UNC119: variants seen among roughly 807,000 people sequenced by gnomAD.
The protein encoded by UNC119 is protein unc-119 homolog A.
In UNC119, 15 loss-of-function variants were observed where a neutral mutation model predicts 22.6. The observed-to-expected ratio is 0.66, with a 90% CI of 0.44 to 1.02. The LOEUF (loss-of-function observed/expected upper bound fraction) is 1.02. UNC119 is among the 50% of genes least tolerant of loss of function. UNC119 has a pLI of 0.00. For synonymous variants in UNC119, 138 were observed against 139.4 expected, an observed-to-expected ratio of 0.99 and a Z score of 0.07; for missense variants, 322 against 336.0, an observed-to-expected ratio of 0.96 and a Z score of 0.33.
intron 1 of UNC119, chr17:28,549,409 A>G (rs2151508379): frequency 6.6e-6 from 1 of 152,368 alleles, no homozygotes; most frequent in Middle Eastern, 3.4e-3. Flanking sequence ...CTCAGTAAGA[A>G]GCTTACACCA....
intron 1 of UNC119, 113 bp downstream of exon 1, chr17:28,552,225 T>C (rs1343770119): frequency 1.0e-5 from 7 of 690,870 alleles, no homozygotes; most frequent in Non-Finnish European, 1.1e-5. Context: ...GGGGACTCGG[T>C]GGGGGAGGGG....
Position 28,547,039 on chromosome 17 carries a change from C to A in UNC119, c.*258G>T, listed in dbSNP as rs1379936177. On this transcript the variant is annotated 3_prime_UTR_variant, in exon 5 of 5. Transcript: ENST00000335765. Reference sequence around the variant, plus strand: ...GGGCCCAGCTAAGTTGTCCGGAAGTCCTGACTGCTCCTCTCACAGGCCTTC... The same window carrying A: ...GGGCCCAGCTAAGTTGTCCGGAAGTACTGACTGCTCCTCTCACAGGCCTTC... 8.5e-6 allele frequency: 4 copies of A among 471,430 alleles called. No homozygotes were observed. The highest frequency in any genetic ancestry group is 5.9e-5 in the African/African-American group (3 of 50,806). The allele number at this position is 471,430 out of a possible 1,614,324, so 29.2% of individuals were successfully genotyped here.
In UNC119 at chr17:28,547,651, A is replaced by C. The variant is rs1333071463; in HGVS notation, c.610+26T>G. The stretch of plus-strand genomic sequence containing the variant: ...AGTCTCTAGACGCCCCCACTTCCCC[A>C]CTCCCAGAAGACCCTGCCCGCGCAC... On this transcript the variant is annotated intron_variant, in intron 4 of 4. Coordinates refer to ENST00000335765, the MANE Select transcript of UNC119 (RefSeq NM_005148.4). 1.9e-6 allele frequency: 3 copies of C among 1,613,818 alleles called. No individual in the cohort carries two copies. In the Admixed American group the frequency reaches 5.0e-5, roughly 27 times the overall value.
chr17:28,547,988 C>T lies in UNC119; in HGVS notation c.437+11G>A. 1 of 1,613,828 alleles carries T rather than the reference C, an allele frequency of 6.2e-7. No homozygotes were observed. The highest frequency in any genetic ancestry group is 1.1e-5 in the South Asian group (1 of 91,072). The stretch of plus-strand genomic sequence containing the variant: ...CTCACCCCCACCACCACCCATAGCC[C>T]AGCGACTCACGTGGCTCCCACCTGC... On this transcript the variant is annotated intron_variant, in intron 3 of 4. Transcript: ENST00000335765.
At chr17:28,552,058 C>T (rs899764271) in intron 1 of UNC119, 1 of 641,592 alleles carries the variant, frequency 1.6e-6, no homozygotes, top group African/African-American at 1.8e-5. Context: ...GCTGCTGCCG[C>T]ACGTACCTCC....
chr17:28,548,289 C>T (rs921669036), intron 2 of UNC119, 188 bp from the exon 3 acceptor site: 8 of 638,422 alleles, frequency 1.3e-5, no homozygotes, highest in Non-Finnish European at 2.2e-5. Flanking sequence ...TGTTCCCAAT[C>T]GCCACTGTGC....
chr17:28,547,697 G>C lies in UNC119; in HGVS notation c.590C>G (p.Pro197Arg), dbSNP rs1292222524. ...KNTCEHIYDF[P>R]PLSEELISEM... ...CGCACTCAGCTCCTCGGAGAGAGGGGGGAAGTCGTAAATGTGCTCGCAGGT... is the reference window on the plus strand; with the variant it reads ...CGCACTCAGCTCCTCGGAGAGAGGGCGGAAGTCGTAAATGTGCTCGCAGGT... Residue 197 changes from proline to arginine, a missense_variant, in exon 4 of 5, where the codon CCC becomes CGC. Pro to Arg is a moderately radical substitution (Grantham distance 103). Coordinates refer to ENST00000335765, the MANE Select transcript of UNC119 (RefSeq NM_005148.4). The C allele has an allele frequency of 2.1e-5, 34 of 1,614,090 alleles. No individual in the cohort carries two copies. The highest frequency in any genetic ancestry group is 2.9e-5 in the Non-Finnish European group (34 of 1,180,034).
intron 2 of UNC119, 142 bp from the exon 3 acceptor site, chr17:28,548,243 G>A: frequency 1.2e-6 from 1 of 815,534 alleles, no homozygotes; most frequent in East Asian, 2.7e-5. Context: ...TCAGACCATT[G>A]GCCAAATAGT....
rs144347184 is a variant in UNC119, at chr17:28,552,123, GAGA to G, written c.220+212_220+214del. ...AAAGGAAGGAATAAATCTCGAAAGG[GAGA>G]AGAAGGAGGCACAGAGAGAGATCAA... On this transcript the variant is annotated intron_variant, in intron 1 of 4. Transcript: ENST00000335765. 475 of 711,544 alleles carry G rather than the reference GAGA, an allele frequency of 6.7e-4. 3 individuals carry two copies. In the East Asian group the frequency reaches 9.8e-3, roughly 15 times the overall value. The allele number at this position is 711,544 out of a possible 1,614,324, so 44.1% of individuals were successfully genotyped here.
intron 1 of UNC119, chr17:28,549,514 C>T (rs2070248337): frequency 6.6e-6 from 1 of 152,398 alleles, no homozygotes; most frequent in Non-Finnish European, 1.5e-5. Flanking sequence ...TTGCTCTCAT[C>T]CTTTGTTGAT....
chr17:28,549,679 C>A (rs2070250077), intron 1 of UNC119: 1 of 152,986 alleles, frequency 6.5e-6, no homozygotes, highest in African/African-American at 2.4e-5. Context: ...GCAGGTGCAG[C>A]AGTGGGTGTG....
At position 28,548,704 on chromosome 17, in the gene UNC119, G is replaced by A. The variant is rs1274135893; in HGVS notation, c.222C>T (p.Asp74=). 2 of 1,613,480 alleles carry A rather than the reference G, an allele frequency of 1.2e-6. No individual in the cohort carries two copies. The highest frequency in any genetic ancestry group is 1.7e-6 in the Non-Finnish European group (2 of 1,179,488). Reference sequence around the variant, plus strand: ...TATTCTCCTCAGGGGAGCAGAGGTAGTCTAGGGGAAACAGGCAGCTGAGCA... The same window carrying A: ...TATTCTCCTCAGGGGAGCAGAGGTAATCTAGGGGAAACAGGCAGCTGAGCA... The part of the protein sequence containing the change: ...DVLGLQRITG[D]YLCSPEENIY... Residue 74 remains aspartate (D), a splice_region_variant and synonymous_variant, in exon 2 of 5, where the codon GAC becomes GAT. Transcript: ENST00000335765.
chr17:28,548,537 C>A, intron 2 of UNC119, 55 bp downstream of exon 2: 2 of 1,466,234 alleles, frequency 1.4e-6, no homozygotes, highest in Non-Finnish European at 1.9e-6. Context: ...CCCTGGGCAG[C>A]CCACTCCGCA....
intron 2 of UNC119, among the ~76,000 whole-genome samples, 161 bp downstream of exon 2, chr17:28,548,431 A>C (rs2070235387): frequency 6.6e-6 from 1 of 152,102 alleles, no homozygotes; most frequent in African/African-American, 2.4e-5. Flanking sequence ...TCAGAAACAT[A>C]TGGGAAGGAA....
chr17:28,548,765 CTT>C, intron 1 of UNC119, 60 bp from the exon 2 acceptor site: 3 of 1,370,648 alleles, frequency 2.2e-6, no homozygotes, highest in Non-Finnish European at 3.1e-6. Context: ...GCCAGGTCAG[CTT>C]GTGTGGGACC....
In UNC119 at chr17:28,547,312, G is replaced by A. The variant is rs1323110412; in HGVS notation, c.708C>T (p.Tyr236=). ...AGCCGTGGGGTCAGGGTGTCCCGCT[G>A]TAGGAATAGTCTGCTTTATTGTGCA... ...LVMHNKADYS[Y]SGTP is the part of the protein sequence containing the mutation. Residue 236 remains tyrosine, a synonymous_variant, in exon 5 of 5, where the codon TAC becomes TAT. Transcript: ENST00000335765. 3 of 1,614,030 alleles carry A rather than the reference G, an allele frequency of 1.9e-6. No individual in the cohort carries two copies. Among genetic ancestry groups the A allele is most frequent in the East Asian group, 2.2e-5 (1 of 44,898 alleles).
intron 2 of UNC119, 88 bp from the exon 3 acceptor site, chr17:28,548,189 A>AT (rs1232483490): frequency 7.6e-5 from 104 of 1,366,034 alleles, no homozygotes; most frequent in Non-Finnish European, 9.2e-5. Context: ...CATCTATCTG[A>AT]TTTTTTTTAA....
intron 1 of UNC119, 23 bp from the exon 2 acceptor site, chr17:28,548,728 C>T: frequency 6.2e-7 from 1 of 1,600,556 alleles, no homozygotes; most frequent in Non-Finnish European, 8.6e-7. Flanking sequence ...GGCAGCTGAG[C>T]AAGGAAGGGG....
At chr17:28,552,628 G>A, upstream of UNC119, 7 of 1,372,816 alleles carry the variant, frequency 5.1e-6, no homozygotes, top group Non-Finnish European at 6.7e-6. Flanking sequence ...GGGGAAGTGG[G>A]AGCATCCGCA....
Sources: allele counts gnomAD v4.1 joint callset (sites outside exome capture counted in the v4.1 genomes callset), GRCh38; gene constraint gnomAD v4.1.1; transcripts MANE v1.5; gene names NCBI Gene and HGNC (gene_info 2026-07-23, HGNC 2026-07-21).